Variants in TENM4 observed in about 807,000 individuals in gnomAD.
The protein encoded by TENM4 is teneurin-4.
In TENM4, 82 loss-of-function variants were observed where a neutral mutation model predicts 243.3. The observed-to-expected ratio is 0.34, with a 90% CI of 0.28 to 0.40. TENM4 has a LOEUF of 0.40. TENM4 is among the 10% of genes least tolerant of loss of function. The pLI is 1.00. For missense variants in TENM4, 3,138 were observed against 3,673.3 expected, an observed-to-expected ratio of 0.85 and a Z score of 3.77; for synonymous variants, 1,412 against 1,456.3, an observed-to-expected ratio of 0.97 and a Z score of 0.69.
intron 2 of TENM4, among the ~76,000 whole-genome samples, chr11:79,258,639 A>T (rs935420133): frequency 1.3e-5 from 2 of 152,216 alleles, no homozygotes; most frequent in Admixed American, 1.3e-4. Flanking sequence ...CTTTACTGAC[A>T]GTGAATGCAT....
chr11:79,256,728 C>G (rs1277983742), intron 2 of TENM4, among the ~76,000 whole-genome samples: 1 of 152,158 alleles, frequency 6.6e-6, no homozygotes, highest in Non-Finnish European at 1.5e-5. Flanking sequence ...AAGGTCCTGT[C>G]TCATTTGTGG....
intron 16 of TENM4, among the ~76,000 whole-genome samples, chr11:78,779,837 T>C (rs1336605672): frequency 6.6e-6 from 1 of 152,216 alleles, no homozygotes; most frequent in Non-Finnish European, 1.5e-5. Context: ...CTTTAAATAT[T>C]CTTACTCTCT....
intron 12 of TENM4, among the ~76,000 whole-genome samples, chr11:78,842,681 C>G (rs1029164559): frequency 6.6e-6 from 1 of 152,232 alleles, no homozygotes; most frequent in East Asian, 1.9e-4. Flanking sequence ...ACTCACACAA[C>G]AAGCGCATAC....
At chr11:79,231,799 C>T (rs1440127060) in intron 2 of TENM4, among the ~76,000 whole-genome samples, 1 of 152,090 alleles carries the variant, frequency 6.6e-6, no homozygotes, top group Admixed American at 6.5e-5. Context: ...CAAGAGGGGG[C>T]CAGGCGTGAT....
At chr11:79,316,678 T>G (rs1296380830) in intron 1 of TENM4, among the ~76,000 whole-genome samples, 1 of 152,206 alleles carries the variant, frequency 6.6e-6, no homozygotes, top group Non-Finnish European at 1.5e-5. Flanking sequence ...TTTCTGATGG[T>G]TTGCTCCCCC....
Position 79,297,129 on chromosome 11 carries a change from C to T in TENM4, c.-265+359G>A, listed in dbSNP as rs142071550. Among the ~76,000 whole-genome samples, 43 of 152,340 alleles carry T rather than the reference C, an allele frequency of 2.8e-4. No homozygotes were observed. In the East Asian group the frequency reaches 7.0e-3, roughly 25 times the overall value. On this transcript the variant is annotated intron_variant, in intron 2 of 33. Coordinates refer to ENST00000278550, the MANE Select transcript of TENM4 (RefSeq NM_001098816.3). ...AGCTCTCTGTTCTTGACGTACCAAA[C>T]AGTTGGGTCTATTGAAGGGAGAGTG...
intron 6 of TENM4, among the ~76,000 whole-genome samples, chr11:78,913,069 C>T (rs963068069): frequency 4.1e-4 from 62 of 152,184 alleles, no homozygotes; most frequent in African/African-American, 1.4e-3. Flanking sequence ...CATTCTGAAC[C>T]TGTACTTGTT....
chr11:79,139,815 T>TATATTTATATAAATATATAAAATATATAA (rs1565220975), intron 4 of TENM4, among the ~76,000 whole-genome samples: 1 of 78,716 alleles, frequency 1.3e-5, no homozygotes, highest in African/African-American at 7.7e-5. Flanking sequence ...AATATATATT[T>TATATTTATATAAATATATAAAATATATAA]TATATTTATA....
Position 78,727,685 on chromosome 11 carries a change from C to A in TENM4, c.3407-1463G>T, listed in dbSNP as rs1159617033. ...AGCTTTTGTTTCATAAATCCAGGACCCCTTAGAAGGTCACTGGGATGAAGG... is the reference window on the plus strand; with the variant it reads ...AGCTTTTGTTTCATAAATCCAGGACACCTTAGAAGGTCACTGGGATGAAGG... On this transcript the variant is annotated intron_variant, in intron 22 of 33. Coordinates refer to ENST00000278550, the MANE Select transcript of TENM4 (RefSeq NM_001098816.3). Among the ~76,000 whole-genome samples the A allele has an allele frequency of 2.0e-5, 3 of 152,032 alleles. No individual in the cohort carries two copies. In the East Asian group the frequency reaches 5.8e-4, roughly 29 times the overall value.
rs12280834 is a variant in TENM4, at chr11:79,068,428, A to C, written c.223+1294T>G. 4 of 152,036 alleles carry C rather than the reference A, an allele frequency of 2.6e-5. No individual in the cohort carries two copies. In the South Asian group the frequency reaches 8.3e-4, roughly 31 times the overall value. 9.4% of individuals were successfully genotyped at this position (152,036 alleles called of 1,614,324 possible). On this transcript the variant is annotated intron_variant, in intron 5 of 33. Coordinates refer to ENST00000278550, the MANE Select transcript of TENM4 (RefSeq NM_001098816.3). Reference sequence around the variant, plus strand: ...CTCATTTTTCAAGCCTCACAGGCAGAACAGGTCAGCTTTCACATGGATACA... The same window carrying C: ...CTCATTTTTCAAGCCTCACAGGCAGCACAGGTCAGCTTTCACATGGATACA...
intron 4 of TENM4, among the ~76,000 whole-genome samples, chr11:79,123,041 T>C (rs1861775107): frequency 6.6e-6 from 1 of 152,036 alleles, no homozygotes; most frequent in Non-Finnish European, 1.5e-5. Flanking sequence ...CTGATGCCAG[T>C]GGGGGCAGAA....
At chr11:79,247,677 C>T (rs1056779779) in intron 2 of TENM4, among the ~76,000 whole-genome samples, 10 of 152,148 alleles carry the variant, frequency 6.6e-5, no homozygotes, top group African/African-American at 2.4e-4. Flanking sequence ...TCAAGGGCTC[C>T]CAGCCAGGAA....
chr11:78,994,931 A>G (rs530096304), intron 6 of TENM4, among the ~76,000 whole-genome samples: 7 of 152,262 alleles, frequency 4.6e-5, no homozygotes, highest in Non-Finnish European at 1.0e-4. Flanking sequence ...TTGGTATTAC[A>G]AAGAAGAATA....
At chr11:79,321,695 G>T (rs1856894051) in intron 1 of TENM4, among the ~76,000 whole-genome samples, 1 of 151,394 alleles carries the variant, frequency 6.6e-6, no homozygotes, top group Non-Finnish European at 1.5e-5. Context: ...TGCCAAAGGG[G>T]CTGACAGAAT....
At chr11:79,410,847 C>T (rs963423793) in intron 1 of TENM4, among the ~76,000 whole-genome samples, 6 of 152,172 alleles carry the variant, frequency 3.9e-5, no homozygotes, top group Non-Finnish European at 7.3e-5. Flanking sequence ...TCTCTCTAAA[C>T]CTCCATAGTA....
Position 78,688,215 on chromosome 11 carries a change from A to C in TENM4, c.5099T>G (p.Phe1700Cys). Residue 1700 changes from phenylalanine (F) to cysteine (C), a missense_variant, in exon 29 of 34, where the codon TTT becomes TGT. Transcript: ENST00000278550. Reference protein sequence around the residue: ...GWTTFYEYDSFGRLTNVTFPT... With the variant: ...GWTTFYEYDSCGRLTNVTFPT... ...GAAGGTCACATTTGTCAGGCGGCCA[A>C]AGCTGTCGTACCTGGAAACCAAGGG... 6.2e-7 allele frequency: 1 copy of C among 1,613,264 alleles called. No homozygotes were observed. Among genetic ancestry groups the C allele is most frequent in the South Asian group, 1.1e-5 (1 of 90,872 alleles).
intron 4 of TENM4, among the ~76,000 whole-genome samples, chr11:79,084,097 G>C (rs944399751): frequency 1.3e-5 from 2 of 152,088 alleles, no homozygotes; most frequent in African/African-American, 4.8e-5. Context: ...TATACACATG[G>C]CAAATAAGCA....
chr11:79,056,846 G>A (rs185276124), intron 6 of TENM4, among the ~76,000 whole-genome samples: 1 of 152,346 alleles, frequency 6.6e-6, no homozygotes, highest in East Asian at 1.9e-4. Flanking sequence ...AAAGGACCCG[G>A]AACTGGGCCA....
chr11:79,289,088 C>G (rs1856310234), intron 2 of TENM4, among the ~76,000 whole-genome samples: 1 of 152,148 alleles, frequency 6.6e-6, no homozygotes, highest in African/African-American at 2.4e-5. Flanking sequence ...ACACTCAAGA[C>G]TTATTATGAC....
Sources: gnomAD v4.1 joint callset for allele counts (sites outside exome capture counted in the v4.1 genomes callset) on GRCh38, gnomAD v4.1.1 for gene constraint, MANE v1.5 for transcripts, NCBI Gene and HGNC (gene_info 2026-07-23, HGNC 2026-07-21) for gene names.